The following ZFPM2 variants were observed in gnomAD, a reference collection of about 807,000 sequenced individuals.
ZFPM2 encodes zinc finger protein, FOG family member 2.
In ZFPM2, 20 loss-of-function variants were observed where a neutral mutation model predicts 98.6. The ratio of observed to expected loss-of-function variants is 0.20; its 90% CI spans 0.14 to 0.29. The LOEUF is 0.29. ZFPM2 is among the 10% of genes least tolerant of loss of function. The pLI is 1.00. For missense variants in ZFPM2, 1,310 were observed against 1,388.6 expected, an observed-to-expected ratio of 0.94 and a Z score of 0.90; for synonymous variants, 518 against 502.7, an observed-to-expected ratio of 1.03 and a Z score of -0.41.
At chr8:105,456,414 T>C (rs1812594344) in intron 3 of ZFPM2, among the ~76,000 whole-genome samples, 1 of 152,012 alleles carries the variant, frequency 6.6e-6, no homozygotes, top group African/African-American at 2.4e-5. Flanking sequence ...AAATATTTAT[T>C]GTCAAATAAA....
At chr8:105,616,925 T>C (rs1343433745) in intron 4 of ZFPM2, among the ~76,000 whole-genome samples, 3 of 144,654 alleles carry the variant, frequency 2.1e-5, no homozygotes, top group African/African-American at 7.7e-5. Context: ...GACTGAGACA[T>C]GAGAATCACT....
chr8:105,787,954 C>G (rs1813471178), intron 5 of ZFPM2, among the ~76,000 whole-genome samples: 1 of 152,200 alleles, frequency 6.6e-6, no homozygotes, highest in Admixed American at 6.5e-5. Flanking sequence ...TGATCGTTGA[C>G]ATGCAGTGCC....
intron 1 of ZFPM2, among the ~76,000 whole-genome samples, chr8:105,412,677 A>AT (rs897516797): frequency 5.6e-4 from 83 of 148,986 alleles, no homozygotes; most frequent in African/African-American, 1.6e-3. Flanking sequence ...TTAAAATAGT[A>AT]TTTTTTTTTT....
At chr8:105,639,644 C>A (rs1215712735) in intron 5 of ZFPM2, among the ~76,000 whole-genome samples, 1 of 152,018 alleles carries the variant, frequency 6.6e-6, no homozygotes, top group Non-Finnish European at 1.5e-5. Context: ...GTGAAGCACC[C>A]ATTTACATGA....
At chr8:105,665,104 C>G (rs1229326518) in intron 5 of ZFPM2, among the ~76,000 whole-genome samples, 1 of 152,084 alleles carries the variant, frequency 6.6e-6, no homozygotes, top group Non-Finnish European at 1.5e-5. Context: ...CTTGTGCTGC[C>G]TTATAACGTG....
intron 3 of ZFPM2, among the ~76,000 whole-genome samples, chr8:105,545,954 G>C (rs1200044902): frequency 1.3e-5 from 2 of 152,102 alleles, no homozygotes; most frequent in East Asian, 3.9e-4. Context: ...AATGGAATGG[G>C]TGACCCACCT....
intron 5 of ZFPM2, chr8:105,784,773 G>A (rs1177281813): frequency 7.1e-6 from 1 of 140,654 alleles, no homozygotes; most frequent in Non-Finnish European, 1.5e-5. Flanking sequence ...AGGCAGCCTG[G>A]TTCCATTGCC....
chr8:105,451,286 G>C (rs1322082268), intron 3 of ZFPM2, among the ~76,000 whole-genome samples: 2 of 152,128 alleles, frequency 1.3e-5, no homozygotes, highest in Non-Finnish European at 2.9e-5. Context: ...AATGGATACA[G>C]TGTCAAATTT....
chr8:105,465,824 G>A (rs969127642), intron 3 of ZFPM2, among the ~76,000 whole-genome samples: 2 of 151,926 alleles, frequency 1.3e-5, no homozygotes, highest in Non-Finnish European at 2.9e-5. Flanking sequence ...TATTTTAGGA[G>A]ACGAACTATT....
intron 4 of ZFPM2, among the ~76,000 whole-genome samples, chr8:105,576,503 C>T (rs1236482597): frequency 6.6e-6 from 1 of 152,070 alleles, no homozygotes; most frequent in African/African-American, 2.4e-5. Context: ...TCAGATTTAA[C>T]GTTCTTGTTT....
intron 1 of ZFPM2, among the ~76,000 whole-genome samples, chr8:105,405,651 T>C (rs1437403954): frequency 6.6e-6 from 1 of 151,874 alleles, no homozygotes; most frequent in Non-Finnish European, 1.5e-5. Flanking sequence ...GGTGTATATG[T>C]GCCACATTTT....
chr8:105,735,154 G>C (rs1812039294), intron 5 of ZFPM2, among the ~76,000 whole-genome samples: 1 of 147,920 alleles, frequency 6.8e-6, no homozygotes, highest in Non-Finnish European at 1.5e-5. Flanking sequence ...TATAGACATA[G>C]ATCTATATAG....
At position 105,337,063 on chromosome 8, in the gene ZFPM2, T is replaced by G. The variant is rs554940630; in HGVS notation, c.40+18082T>G. Among the ~76,000 whole-genome samples, 324 of 151,914 alleles carry G rather than the reference T, an allele frequency of 2.1e-3. 1 individual carries two copies. The highest frequency in any genetic ancestry group is 3.0e-3 in the Non-Finnish European group (203 of 67,840). On this transcript the variant is annotated intron_variant, in intron 1 of 7. Transcript: ENST00000407775. ...GAAGAAACCAGTTGGTGAAAATGCA[T>G]TTGGATGACCTGAACACATAGTTGT...
At chr8:105,613,785 G>A (rs1421165340) in intron 4 of ZFPM2, among the ~76,000 whole-genome samples, 10 of 152,236 alleles carry the variant, frequency 6.6e-5, no homozygotes, top group East Asian at 1.9e-4. Flanking sequence ...AAATAGTACC[G>A]TGAGAAAAGA....
intron 5 of ZFPM2, among the ~76,000 whole-genome samples, chr8:105,691,415 AT>A (rs1810878965): frequency 7.2e-6 from 1 of 139,418 alleles, no homozygotes. Context: ...CGCCCGGCTA[AT>A]TTTTTGTATT....
chr8:105,369,607 T>C (rs1485139241), intron 1 of ZFPM2, among the ~76,000 whole-genome samples: 1 of 152,172 alleles, frequency 6.6e-6, no homozygotes, highest in Non-Finnish European at 1.5e-5. Context: ...AGCAGCAAAA[T>C]GATTTTTATG....
chr8:105,568,758 T>C (rs1815294111), intron 4 of ZFPM2, among the ~76,000 whole-genome samples: 1 of 152,128 alleles, frequency 6.6e-6, no homozygotes, highest in Non-Finnish European at 1.5e-5. Flanking sequence ...TTAAAATCAT[T>C]CTAAAGGGCA....
Position 105,679,957 on chromosome 8 carries a change from C to G in ZFPM2, c.532+45600C>G, listed in dbSNP as rs139622559. On this transcript the variant is annotated intron_variant, in intron 5 of 7. Transcript: ENST00000407775. ...ACTCATGAGAGCTTAAGTTGACCAACATTTCAAAACTTGATGCTGCAAGTT... is the reference window on the plus strand; with the variant it reads ...ACTCATGAGAGCTTAAGTTGACCAAGATTTCAAAACTTGATGCTGCAAGTT... 4.1e-4 allele frequency among the ~76,000 whole-genome samples: 62 copies of G among 152,236 alleles called. 1 individual carries two copies. Among genetic ancestry groups the G allele is most frequent in the African/African-American group, 1.4e-3 (59 of 41,574 alleles).
rs1814058350 is a variant in ZFPM2, at chr8:105,802,457, C to T, written c.2375C>T (p.Pro792Leu). The T allele has an allele frequency of 6.2e-7, 1 of 1,613,614 alleles. No individual in the cohort carries two copies. The highest frequency in any genetic ancestry group is 8.5e-7 in the Non-Finnish European group (1 of 1,179,776). The change falls in exon 8 of 8, where the codon CCA becomes CTA. Residue 792 changes from proline (P) to leucine (L), a missense_variant. Pro to Leu is a moderately conservative substitution (Grantham distance 98). Transcript: ENST00000407775. ...ECYHPRCDIF[P>L]GIVSKHLETS... ...TACCACCCAAGATGTGATATCTTTC[C>T]AGGAATTGTCTCTAAACACTTGGAA...
Sources: gnomAD v4.1 joint callset for allele counts (sites outside exome capture counted in the v4.1 genomes callset) on GRCh38, gnomAD v4.1.1 for gene constraint, MANE v1.5 for transcripts, NCBI Gene and HGNC (gene_info 2026-07-23, HGNC 2026-07-21) for gene names.